Variants in MROH2A observed in about 807,000 individuals in gnomAD.
The protein encoded by MROH2A is maestro heat like repeat family member 2A, also known as maestro heat-like repeat-containing protein family member 2A.
Under a neutral mutation model 200.4 loss-of-function variants are expected in MROH2A, and 174 were observed. The observed-to-expected ratio is 0.87, with a 90% CI of 0.77 to 0.98. The LOEUF is 0.98. Ranked by LOEUF, MROH2A falls within the 50% of genes least tolerant of loss-of-function variation. The pLI is 0.00. For synonymous variants in MROH2A, 829 were observed against 840.4 expected, an observed-to-expected ratio of 0.99 and a Z score of 0.23; for missense variants, 2,045 against 2,139.6, an observed-to-expected ratio of 0.96 and a Z score of 0.87.
chr2:233,814,885 T>C (rs1301582857), intron 26 of MROH2A, among the ~76,000 whole-genome samples: 1 of 152,240 alleles, frequency 6.6e-6, no homozygotes, highest in African/African-American at 2.4e-5. Context: ...CTTTGTCACA[T>C]TTTCTTTCTC....
intron 1 of MROH2A, among the ~76,000 whole-genome samples, chr2:233,779,063 T>C (rs894868978): frequency 3.3e-5 from 5 of 152,216 alleles, no homozygotes; most frequent in African/African-American, 4.8e-5. Flanking sequence ...GCTGTTTACT[T>C]TTCAAGGCCA....
At chr2:233,822,017 C>T (rs1205055662) in intron 31 of MROH2A, 107 bp from the exon 32 acceptor site, 8 of 1,345,850 alleles carry the variant, frequency 5.9e-6, no homozygotes, top group Non-Finnish European at 7.9e-6. Context: ...ATTCAGTCCC[C>T]AGAGTCCAAC....
At position 233,807,130 on chromosome 2, in the gene MROH2A, T is replaced by C. The variant is rs1206021427; in HGVS notation, c.2053-293T>C. On this transcript the variant is annotated intron_variant, in intron 19 of 41. Coordinates refer to ENST00000389758, the MANE Select transcript of MROH2A (RefSeq NM_001394639.1). This position sits in a 1 kb window ranked among gnomAD's most constrained non-coding sequence, Gnocchi z 4.3. ...AATGCCAGTAATTCATTCTTTTTTG[T>C]GGCTGAGTAGTATTCCATTATATAT... Among the ~76,000 whole-genome samples the C allele has an allele frequency of 4.0e-5, 6 of 150,356 alleles. No homozygotes were observed. The South Asian group carries it at 6.3e-4, about 16-fold the overall frequency.
intron 34 of MROH2A, 83 bp from the exon 35 acceptor site, chr2:233,823,473 C>T (rs1201295260): frequency 3.1e-5 from 46 of 1,472,822 alleles, no homozygotes; most frequent in East Asian, 2.5e-5. Flanking sequence ...GTCCAGGCAC[C>T]GATGTGGCCC....
In MROH2A at chr2:233,813,714, T is replaced by C; in HGVS notation, c.2696T>C (p.Met899Thr). 1 of 1,550,354 alleles carries C rather than the reference T, an allele frequency of 6.5e-7. No individual in the cohort carries two copies. The highest frequency in any genetic ancestry group is 8.7e-7 in the Non-Finnish European group (1 of 1,146,792). The change falls in exon 25 of 42, where the codon ATG becomes ACG. Residue 899 changes from methionine to threonine, a missense_variant. Around this residue, in one of 3 missense-constraint regions of MROH2A, gnomAD observed 1,201 missense variants for 1,311.3 expected, o/e 0.92. Transcript: ENST00000389758. ...TCCACAGAGGAAAACAGTGAGCTGATGGATATCAGCATACATTCTGTAATT... is the reference window on the plus strand; with the variant it reads ...TCCACAGAGGAAAACAGTGAGCTGACGGATATCAGCATACATTCTGTAATT... ...FYSTEENSELMDISIHSVISL... is the reference protein window; with the variant it reads ...FYSTEENSELTDISIHSVISL...
At chr2:233,775,819 A>AC (rs1162026234), upstream of MROH2A, 2 of 151,942 alleles carry the variant, frequency 1.3e-5, no homozygotes, top group African/African-American at 2.4e-5. Flanking sequence ...AATTCCCATT[A>AC]CCCCCATGTG....
At chr2:233,824,509 T>C (rs1704174207) in intron 35 of MROH2A, among the ~76,000 whole-genome samples, 1 of 152,182 alleles carries the variant, frequency 6.6e-6, no homozygotes, top group Admixed American at 6.5e-5. Context: ...CCAGGACCTG[T>C]CCTTTGATGT....
intron 3 of MROH2A, among the ~76,000 whole-genome samples, chr2:233,788,069 ATATAC>A: frequency 1.1e-5 from 1 of 94,622 alleles, no homozygotes. Flanking sequence ...TATATTATAT[ATATAC>A]ATATATATTA....
At chr2:233,805,361 A>G (rs1220766516) in intron 19 of MROH2A, among the ~76,000 whole-genome samples, 2 of 152,236 alleles carry the variant, frequency 1.3e-5, no homozygotes, top group Admixed American at 6.5e-5. Context: ...ACACAAAACT[A>G]TACCACATTG....
rs749371277 is a variant in MROH2A at position 233,811,858 on chromosome 2, AC to A, written c.2572-17del. On this transcript the variant is annotated intron_variant, in intron 23 of 41. Coordinates refer to ENST00000389758, the MANE Select transcript of MROH2A (RefSeq NM_001394639.1). ...GCCATCATGGTCACCAAAAGCCACC[AC>A]CCCCTGCTTGTGTTGGACAGGCGGT... 193 of 1,535,916 alleles carry A rather than the reference AC, an allele frequency of 1.3e-4. No individual in the cohort carries two copies. The African/African-American group carries it at 2.4e-3, about 19-fold the overall frequency.
Position 233,828,941 on chromosome 2 carries a change from G to T in MROH2A, c.4315G>T (p.Glu1439Ter), listed in dbSNP as rs570666107. The change falls in exon 37 of 42, where the codon GAG becomes TAG. Residue 1439 changes from glutamate to a stop codon, truncating the protein, a stop_gained. Transcript: ENST00000389758. LOFTEE classifies it high-confidence loss of function. The surrounding 1 kb of genome is among the most constrained non-coding windows in gnomAD (Gnocchi z 4.6). ...LLEKCLGPLR[E>*]PVSNSVTAEG... ...GGAGAAGTGCCTGGGCCCCCTGAGG[G>T]AGCCCGTGAGCAACAGCGTGACTGC... 3.2e-6 allele frequency: 5 copies of T among 1,550,552 alleles called. No individual in the cohort carries two copies. The African/African-American group carries it at 6.8e-5, about 21-fold the overall frequency.
chr2:233,822,351 T>C lies in MROH2A; in HGVS notation c.3673-12T>C. 1 of 1,549,704 alleles carries C rather than the reference T, an allele frequency of 6.5e-7. No individual in the cohort carries two copies. On this transcript the variant is annotated splice_polypyrimidine_tract_variant and intron_variant, in intron 32 of 41. Transcript: ENST00000389758. ...GGGTAGGAGCCCGATGCCCTGGACC[T>C]TCTCTCTGCAGACCCTGTGCACCAT...
At position 233,802,430 on chromosome 2, in the gene MROH2A, C is replaced by T. The variant is rs1702532291; in HGVS notation, c.1708+115C>T. 3 of 1,198,800 alleles carry T rather than the reference C, an allele frequency of 2.5e-6. No homozygotes were observed. In the South Asian group the frequency reaches 4.7e-5, roughly 19 times the overall value. The allele number at this position is 1,198,800 out of a possible 1,614,324, so 74.3% of individuals were successfully genotyped here. On this transcript the variant is annotated intron_variant, in intron 15 of 41. Transcript: ENST00000389758. ...CCCTCATTCCCCCTTCTCCTGGAAA[C>T]ATCCAAGTCCAAATTAATACTATTA...
chr2:233,792,442 G>A (rs1045074250), intron 5 of MROH2A, among the ~76,000 whole-genome samples: 2 of 151,788 alleles, frequency 1.3e-5, no homozygotes, highest in East Asian at 1.9e-4. Context: ...CCTCCCGAGT[G>A]GTTGAGACTA....
intron 21 of MROH2A, among the ~76,000 whole-genome samples, chr2:233,808,743 C>T (rs1702962342): frequency 6.6e-6 from 1 of 152,208 alleles, no homozygotes; most frequent in East Asian, 1.9e-4. Context: ...CCTGCTGGCT[C>T]TCCAGCCTCA....
rs1052108247 is a variant in MROH2A, at chr2:233,802,175, G to A, written c.1568G>A (p.Trp523Ter). 51 of 1,548,106 alleles carry A rather than the reference G, an allele frequency of 3.3e-5. No homozygotes were observed. Among genetic ancestry groups the A allele is most frequent in the Non-Finnish European group, 4.4e-5 (50 of 1,145,512 alleles). The change falls in exon 15 of 42, where the codon TGG becomes TAG. Residue 523 changes from tryptophan (W) to a stop codon, truncating the protein, a stop_gained. Transcript: ENST00000389758. LOFTEE classifies it high-confidence loss of function. ...SSVSGMTTEF[W>*]VRLLCYIMET... ...CTCCCACCCCTACCCCAGGAGTTTT[G>A]GGTGAGGCTGCTGTGCTACATCATG... is the stretch of plus-strand genomic sequence containing the variant.
chr2:233,799,972 T>C, intron 13 of MROH2A, 73 bp downstream of exon 13: 1 of 1,535,994 alleles, frequency 6.5e-7, no homozygotes. Context: ...GAGGGGAGAA[T>C]GCCACTCAGC....
At chr2:233,831,650 C>T (rs1704763170) in intron 39 of MROH2A, 110 bp downstream of exon 39, 1 of 1,213,154 alleles carries the variant, frequency 8.2e-7, no homozygotes, top group Non-Finnish European at 1.1e-6. Flanking sequence ...GTTTACCTTC[C>T]ACACATGCCA....
rs147995735 is a variant in MROH2A, at chr2:233,823,144, C to T, written c.4004+126C>T. ...GGCCTTCTTTCTGGGGGAACTGCCA[C>T]GCCAACCTGTGACTCTAGGATGGCA... On this transcript the variant is annotated intron_variant, in intron 34 of 41. Coordinates refer to ENST00000389758, the MANE Select transcript of MROH2A (RefSeq NM_001394639.1). 6.4e-4 allele frequency: 650 copies of T among 1,008,204 alleles called. 2 individuals are homozygous for T. The African/African-American group carries it at 6.8e-3, about 11-fold the overall frequency. 62.5% of individuals were successfully genotyped at this position (1,008,204 alleles called of 1,614,324 possible).
Sources: gnomAD v4.1 joint callset for allele counts (sites outside exome capture counted in the v4.1 genomes callset) on GRCh38, gnomAD v4.1.1 for gene constraint, gnomAD v4.1.1 regional missense constraint, Gnocchi (gnomAD v3.1) non-coding constraint, MANE v1.5 for transcripts, NCBI Gene and HGNC (gene_info 2026-07-23, HGNC 2026-07-21) for gene names.